Variants in SGCD observed in about 807,000 individuals in gnomAD.
SGCD encodes sarcoglycan delta.
A neutral mutation model predicts 36.6 loss-of-function variants in SGCD; 18 were observed. That is an observed-to-expected ratio of 0.49 (90% CI 0.34 to 0.73). The LOEUF is 0.73. Ranked by LOEUF, SGCD falls within the 30% of genes least tolerant of loss-of-function variation. SGCD has a pLI of 0.01. For synonymous variants in SGCD, 133 were observed against 130.6 expected, an observed-to-expected ratio of 1.02 and a Z score of -0.12; for missense variants, 387 against 346.7, an observed-to-expected ratio of 1.12 and a Z score of -0.92.
intron 3 of SGCD, among the ~76,000 whole-genome samples, chr5:156,223,549 C>T (rs910092479): frequency 7.9e-5 from 12 of 151,960 alleles, no homozygotes; most frequent in Non-Finnish European, 1.2e-4. Flanking sequence ...GGCAAGACTT[C>T]GGGTGTGTTG....
chr5:155,728,870 G>A, the SGCD span, among the ~76,000 whole-genome samples: 1 of 152,218 alleles, frequency 6.6e-6, no homozygotes, highest in South Asian at 2.1e-4. Context: ...CAGCTGCCCG[G>A]CTTGGAGTGC....
At chr5:155,792,811 A>C in the SGCD span, among the ~76,000 whole-genome samples, 1 of 152,246 alleles carries the variant, frequency 6.6e-6, no homozygotes, top group African/African-American at 2.4e-5. Context: ...GCGGGAATGC[A>C]AATTAGTTCA....
chr5:155,839,676 T>G, the SGCD span, among the ~76,000 whole-genome samples: 4 of 152,248 alleles, frequency 2.6e-5, no homozygotes, highest in East Asian at 1.9e-4. Context: ...ACTCATTTAT[T>G]TATTTCATAC....
intron 7 of SGCD, among the ~76,000 whole-genome samples, chr5:156,740,131 T>G (rs1756593549): frequency 6.6e-6 from 1 of 152,202 alleles, no homozygotes; most frequent in Non-Finnish European, 1.5e-5. Flanking sequence ...GGCAGAAAAC[T>G]AATTGGACCA....
At chr5:156,067,913 G>A (rs1240393605) in intron 1 of SGCD, among the ~76,000 whole-genome samples, 7 of 128,534 alleles carry the variant, frequency 5.4e-5, no homozygotes, top group African/African-American at 2.3e-4. Context: ...CGTCGCTCAC[G>A]CTGGGAGCTG....
In SGCD at chr5:156,344,553, A is replaced by T; in HGVS notation, c.68A>T (p.Tyr23Phe). ...TMPGSVGPQV[Y>F]KVGIYGWRKR... ...CCTGGCTCTGTGGGGCCACAGGTAT[A>T]CAAGGTGGGGATTTATGGCTGGCGG... is the stretch of plus-strand genomic sequence containing the variant. Residue 23 changes from tyrosine to phenylalanine, a missense_variant, in exon 3 of 9, where the codon TAC (tyrosine) becomes TTC (phenylalanine). By Grantham distance (22) the Tyr-to-Phe change is conservative. Coordinates refer to ENST00000337851, the MANE Select transcript of SGCD (RefSeq NM_000337.6). 1 of 1,612,226 alleles carries T rather than the reference A, an allele frequency of 6.2e-7. No individual in the cohort carries two copies. Among genetic ancestry groups the T allele is most frequent in the Non-Finnish European group, 8.5e-7 (1 of 1,178,964 alleles).
intron 5 of SGCD, among the ~76,000 whole-genome samples, chr5:156,590,441 G>T (rs1035556822): frequency 1.3e-5 from 2 of 152,150 alleles, no homozygotes; most frequent in Non-Finnish European, 2.9e-5. Flanking sequence ...TGTTGTTTCA[G>T]CGTGTGACTG....
At chr5:156,400,881 G>T (rs1439944884) in intron 3 of SGCD, among the ~76,000 whole-genome samples, 1 of 152,192 alleles carries the variant, frequency 6.6e-6, no homozygotes, top group African/African-American at 2.4e-5. Flanking sequence ...ATATAGAGTT[G>T]CATTAGAATG....
At position 156,539,416 on chromosome 5, in the gene SGCD, T is replaced by C. The variant is rs1281635414; in HGVS notation, c.294+30714T>C. Among the ~76,000 whole-genome samples the C allele has an allele frequency of 2.0e-5, 3 of 151,416 alleles. No individual in the cohort carries two copies. The East Asian group carries it at 5.8e-4, about 29-fold the overall frequency. ...GTCTTCTATCCCTCACCCCCTTCCA[T>C]CCTTTCCCCCAAGTCCCAAAAGGCC... On this transcript the variant is annotated intron_variant, in intron 4 of 8. Coordinates refer to ENST00000337851, the MANE Select transcript of SGCD (RefSeq NM_000337.6).
intron 1 of SGCD, among the ~76,000 whole-genome samples, chr5:156,092,989 T>C (rs1282382255): frequency 3.9e-5 from 6 of 152,240 alleles, no homozygotes; most frequent in Non-Finnish European, 8.8e-5. Flanking sequence ...TTCCCCACTG[T>C]CAGTTGTACC....
At chr5:156,235,641 G>A (rs1371850913) in intron 3 of SGCD, among the ~76,000 whole-genome samples, 1 of 152,092 alleles carries the variant, frequency 6.6e-6, no homozygotes, top group African/African-American at 2.4e-5. Flanking sequence ...CCCTACAGAT[G>A]CTTTTTGGTC....
chr5:156,221,387 A>G (rs982254851), intron 3 of SGCD, among the ~76,000 whole-genome samples: 19 of 152,166 alleles, frequency 1.2e-4, no homozygotes, highest in African/African-American at 4.3e-4. Flanking sequence ...TAGAAATGCA[A>G]TATAGTTAAC....
At chr5:156,309,858 T>C (rs192653405) in intron 3 of SGCD, among the ~76,000 whole-genome samples, 1 of 152,274 alleles carries the variant, frequency 6.6e-6, no homozygotes, top group East Asian at 1.9e-4. Flanking sequence ...GTCTTTTTTT[T>C]AGTGATATTT....
At chr5:156,589,974 C>T (rs1185794049) in intron 5 of SGCD, among the ~76,000 whole-genome samples, 1 of 152,104 alleles carries the variant, frequency 6.6e-6, no homozygotes, top group Non-Finnish European at 1.5e-5. Flanking sequence ...ACATGGACCT[C>T]GTGATTTGGT....
At position 156,062,534 on chromosome 5, in the gene SGCD, T is replaced by C. The variant is rs1450455746; in HGVS notation, c.-281-55344T>C. Among the ~76,000 whole-genome samples, 78 of 115,788 alleles carry C rather than the reference T, an allele frequency of 6.7e-4. 12 individuals are homozygous for C. The highest frequency in any genetic ancestry group is 1.2e-3 in the Non-Finnish European group (67 of 56,598). 76.0% of individuals were successfully genotyped at this position (115,788 alleles called of 152,430 possible). A position where few individuals can be genotyped will look rare whatever the true frequency, so the allele number is the denominator to read the frequency against. On this transcript the variant is annotated intron_variant, in intron 1 of 9. Transcript: ENST00000517913. ...CTGACTTCCACAATGGTTGAACTAG[T>C]TTACAGTCCCACCAACAGTGTAAAA...
intron 1 of SGCD, among the ~76,000 whole-genome samples, chr5:155,903,921 G>A (rs535003183): frequency 1.3e-5 from 2 of 152,212 alleles, no homozygotes; most frequent in African/African-American, 4.8e-5. Flanking sequence ...TCCTCAGCAG[G>A]GCTTTAGAGC....
chr5:156,173,156 T>C (rs1272788630), intron 3 of SGCD, among the ~76,000 whole-genome samples: 1 of 152,158 alleles, frequency 6.6e-6, no homozygotes, highest in Non-Finnish European at 1.5e-5. Flanking sequence ...TAGAGATTTC[T>C]GAATCTTGGA....
chr5:156,433,887 C>T (rs1296171843), intron 3 of SGCD, among the ~76,000 whole-genome samples: 2 of 152,154 alleles, frequency 1.3e-5, no homozygotes, highest in Non-Finnish European at 2.9e-5. Context: ...AATTGTTGAC[C>T]TTGACCTTGT....
intron 3 of SGCD, among the ~76,000 whole-genome samples, chr5:156,496,307 T>C (rs1756184531): frequency 6.6e-6 from 1 of 152,124 alleles, no homozygotes; most frequent in Non-Finnish European, 1.5e-5. Context: ...TGTAATTCCA[T>C]GGAATGTGCT....
Sources: gnomAD v4.1 joint callset for allele counts (sites outside exome capture counted in the v4.1 genomes callset) on GRCh38, gnomAD v4.1.1 for gene constraint, MANE v1.5 for transcripts, NCBI Gene and HGNC (gene_info 2026-07-23, HGNC 2026-07-21) for gene names.